PCM1: variants seen among roughly 807,000 people sequenced by gnomAD.
PCM1 encodes pericentriolar material 1, also known as pericentriolar material 1 protein.
A neutral mutation model predicts 241.9 loss-of-function variants in PCM1; 157 were observed. The ratio of observed to expected loss-of-function variants is 0.65; its 90% CI spans 0.57 to 0.74. The LOEUF (loss-of-function observed/expected upper bound fraction) is 0.74, where lower values mean the gene tolerates loss of function less well. Among genes scored for constraint, PCM1 ranks in the 30% least tolerant of loss-of-function variants. The pLI, the probability that PCM1 is intolerant of heterozygous loss-of-function variation, is 0.00. For synonymous variants in PCM1, 1,085 were observed against 784.9 expected, an observed-to-expected ratio of 1.38 and a Z score of -6.39; for missense variants, 3,478 against 2,360.1, an observed-to-expected ratio of 1.47 and a Z score of -9.81.
intron 4 of PCM1, 78 bp from the exon 5 acceptor site, chr8:17,938,662 A>G: frequency 1.0e-6 from 1 of 992,320 alleles, no homozygotes; most frequent in Non-Finnish European, 1.6e-6. Context: ...TGATGGCGAA[A>G]CTAAGAACAT....
intron 23 of PCM1, among the ~76,000 whole-genome samples, chr8:17,972,980 A>G (rs35323361): frequency 3.3e-5 from 5 of 151,832 alleles, no homozygotes; most frequent in South Asian, 2.1e-4. Flanking sequence ...CACGTTTACT[A>G]TTTTTTTTCT....
chr8:17,957,874 C>G, intron 13 of PCM1, 99 bp downstream of exon 13: 1 of 774,938 alleles, frequency 1.3e-6, no homozygotes, highest in Non-Finnish European at 2.1e-6. Flanking sequence ...TATACTAATA[C>G]ACATTTATGT....
In PCM1 at chr8:18,009,574, A is replaced by G; in HGVS notation, c.4990A>G (p.Lys1664Glu). 2 of 1,601,638 alleles carry G rather than the reference A, an allele frequency of 1.2e-6. No individual in the cohort carries two copies. The highest frequency in any genetic ancestry group is 1.7e-6 in the Non-Finnish European group (2 of 1,173,422). The change falls in exon 31 of 39, where the codon AAA becomes GAA. Residue 1664 changes from lysine to glutamate, a missense_variant. Transcript: ENST00000325083. ...QDSLAKFAGR[K>E]LKDCGEDLLV... ...TTCACTGGCAAAATTTGCTGGCAGA[A>G]AACTGAAAGACTGTGGAGAAGATCT... is the stretch of plus-strand genomic sequence containing the variant.
At chr8:17,940,069 C>T (rs762926338) in intron 6 of PCM1, 12 of 1,578,724 alleles carry the variant, frequency 7.6e-6, no homozygotes, top group African/African-American at 2.7e-5. Flanking sequence ...GGAGGATGTT[C>T]GGACTATAGA....
chr8:17,939,097 G>T, intron 5 of PCM1, 88 bp downstream of exon 5: 2 of 1,315,742 alleles, frequency 1.5e-6, no homozygotes, highest in African/African-American at 1.5e-5. Flanking sequence ...ACGCACACAG[G>T]AATTTTAGTT....
At chr8:18,018,871 TATATATATAC>T (rs746193405) in intron 36 of PCM1, among the ~76,000 whole-genome samples, 3,135 of 63,904 alleles carry the variant, frequency 0.049, 108 homozygotes, top group Non-Finnish European at 0.083. Context: ...TATATATATA[TATATATATAC>T]ACACACATAT....
chr8:17,965,474 A>G (rs943188536), intron 18 of PCM1, among the ~76,000 whole-genome samples: 7 of 152,212 alleles, frequency 4.6e-5, no homozygotes, highest in African/African-American at 1.7e-4. Context: ...TTATTATACC[A>G]CAAGAATGTT....
At chr8:17,982,118 C>G (rs2081050845) in intron 24 of PCM1, among the ~76,000 whole-genome samples, 1 of 152,166 alleles carries the variant, frequency 6.6e-6, no homozygotes, top group African/African-American at 2.4e-5. Context: ...ATTTCTCAAG[C>G]TTACATTGCT....
chr8:17,924,609 G>T (rs1332113411), intron 1 of PCM1, 104 bp from the exon 2 acceptor site: 2 of 152,092 alleles, frequency 1.3e-5, no homozygotes, highest in Admixed American at 6.5e-5. Flanking sequence ...CCCTTCTTTT[G>T]ATCTTTCTAA....
intron 28 of PCM1, among the ~76,000 whole-genome samples, chr8:17,993,024 TTC>T (rs905243213): frequency 2.6e-5 from 4 of 152,042 alleles, no homozygotes; most frequent in Admixed American, 2.6e-4. Flanking sequence ...TACAAAGACT[TTC>T]TCACACTCTG....
chr8:18,012,941 G>C (rs886558912), intron 34 of PCM1, among the ~76,000 whole-genome samples: 1 of 152,028 alleles, frequency 6.6e-6, no homozygotes, highest in African/African-American at 2.4e-5. Flanking sequence ...TTTCACAGAA[G>C]CATTACCTTC....
intron 13 of PCM1, 90 bp downstream of exon 13, chr8:17,957,865 A>T (rs2069365585): frequency 1.2e-6 from 1 of 830,508 alleles, no homozygotes; most frequent in South Asian, 1.7e-5. Flanking sequence ...TGGTTTAATT[A>T]TACTAATACA....
chr8:17,967,770 A>G (rs945904186), intron 21 of PCM1, among the ~76,000 whole-genome samples: 1 of 152,232 alleles, frequency 6.6e-6, no homozygotes, highest in African/African-American at 2.4e-5. Flanking sequence ...AGTAAAGATG[A>G]ATAAGACAGT....
chr8:17,957,868 C>G (rs748108054), intron 13 of PCM1, 93 bp downstream of exon 13: 3 of 812,954 alleles, frequency 3.7e-6, no homozygotes, highest in Admixed American at 2.5e-5. Flanking sequence ...TTTAATTATA[C>G]TAATACACAT....
chr8:18,010,950 G>A (rs970045853), intron 32 of PCM1, among the ~76,000 whole-genome samples: 1 of 152,150 alleles, frequency 6.6e-6, no homozygotes, highest in Non-Finnish European at 1.5e-5. Context: ...TCCAGCCTGG[G>A]CAACAGAGCT....
chr8:17,944,946 A>G (rs1032860407), intron 6 of PCM1, among the ~76,000 whole-genome samples: 2 of 152,174 alleles, frequency 1.3e-5, no homozygotes. Flanking sequence ...AATAAGGATT[A>G]AAGAACTTTT....
intron 36 of PCM1, among the ~76,000 whole-genome samples, chr8:18,021,400 G>A (rs1322935888): frequency 1.3e-5 from 2 of 152,222 alleles, no homozygotes; most frequent in African/African-American, 4.8e-5. Flanking sequence ...ATGTAGGTCT[G>A]CAGATGGATT....
At chr8:18,026,560 A>C (rs1055031811) in intron 38 of PCM1, among the ~76,000 whole-genome samples, 68 of 152,084 alleles carry the variant, frequency 4.5e-4, no homozygotes, top group African/African-American at 1.6e-3. Context: ...TGCCCAGCCC[A>C]AAAACCCACT....
chr8:17,965,406 T>C (rs1309305233), intron 18 of PCM1, among the ~76,000 whole-genome samples: 1 of 152,224 alleles, frequency 6.6e-6, no homozygotes, highest in Non-Finnish European at 1.5e-5. Context: ...ACTTGGGAGA[T>C]TCCAAGGGTT....
Sources: allele counts gnomAD v4.1 joint callset (sites outside exome capture counted in the v4.1 genomes callset), GRCh38; gene constraint gnomAD v4.1.1; transcripts MANE v1.5; gene names NCBI Gene and HGNC (gene_info 2026-07-23, HGNC 2026-07-21).